The following PHYHD1 variants were observed in gnomAD, a reference collection of about 807,000 sequenced individuals.
The protein encoded by PHYHD1 is phytanoyl-CoA dioxygenase domain-containing protein 1.
PHYHD1 carries 42 observed loss-of-function variants against 43.6 expected under a neutral mutation model. That is an observed-to-expected ratio of 0.96 (90% CI 0.75 to 1.25). The LOEUF is 1.25. Among genes scored for constraint, PHYHD1 ranks in the 50% most tolerant of loss-of-function variants. The pLI, the probability that PHYHD1 is intolerant of heterozygous loss-of-function variation, is 0.00. For missense variants in PHYHD1, 342 were observed against 370.8 expected, an observed-to-expected ratio of 0.92 and a Z score of 0.64; for synonymous variants, 139 against 143.6, an observed-to-expected ratio of 0.97 and a Z score of 0.23.
rs1230242256 is a variant in PHYHD1 at position 128,936,431 on chromosome 9, T to A, written c.317-17T>A. ...GTGGGCCTGAGATGGGGCCGACAGCTTCCTTCTGTCCCATAGCTCTGCACG... is the reference window on the plus strand; with the variant it reads ...GTGGGCCTGAGATGGGGCCGACAGCATCCTTCTGTCCCATAGCTCTGCACG... On this transcript the variant is annotated splice_polypyrimidine_tract_variant and intron_variant, in intron 6 of 12. Transcript: ENST00000372592. 1 of 1,608,174 alleles carries A rather than the reference T, an allele frequency of 6.2e-7. No homozygotes were observed. Among genetic ancestry groups the A allele is most frequent in the Non-Finnish European group, 8.5e-7 (1 of 1,177,556 alleles).
intron 3 of PHYHD1, among the ~76,000 whole-genome samples, chr9:128,925,331 T>C (rs1459013247): frequency 1.3e-5 from 2 of 151,670 alleles, no homozygotes; most frequent in Admixed American, 6.6e-5. Flanking sequence ...GTTCAAATGA[T>C]TCTCCTGCCT....
chr9:128,940,525 T>C (rs773507323), intron 10 of PHYHD1, 28 bp downstream of exon 10: 1 of 1,614,006 alleles, frequency 6.2e-7, no homozygotes, highest in Middle Eastern at 1.7e-4. Flanking sequence ...TTCTGCCCAC[T>C]TGGGACTCCC....
At chr9:128,939,472 G>C (rs1335352017) in intron 9 of PHYHD1, among the ~76,000 whole-genome samples, 3 of 121,300 alleles carry the variant, frequency 2.5e-5, no homozygotes, top group African/African-American at 7.9e-5. Context: ...CCAGCTACTA[G>C]GGAGGCTGAA....
chr9:128,926,558 CTTTTTTTTTTT>C (rs56677426), intron 3 of PHYHD1, among the ~76,000 whole-genome samples: 1 of 119,116 alleles, frequency 8.4e-6, no homozygotes, highest in African/African-American at 3.1e-5. Flanking sequence ...CTTTTTCTTT[CTTTTTTTTTTT>C]TTTTTTTCGA....
At chr9:128,931,769 C>T (rs1171402291) in intron 4 of PHYHD1, among the ~76,000 whole-genome samples, 4 of 152,044 alleles carry the variant, frequency 2.6e-5, no homozygotes, top group African/African-American at 9.7e-5. Flanking sequence ...CCTCGTGATC[C>T]GTCCGCCTCA....
chr9:128,927,562 G>C (rs1841169143), intron 4 of PHYHD1, among the ~76,000 whole-genome samples: 1 of 152,054 alleles, frequency 6.6e-6, no homozygotes, highest in African/African-American at 2.4e-5. Flanking sequence ...TTTTAGTAGA[G>C]ACAGGGTTTC....
rs1341251259 is a variant in PHYHD1, at chr9:128,922,149, G to A, written c.-42+102G>A. 1.4e-5 allele frequency: 9 copies of A among 635,606 alleles called. No individual in the cohort carries two copies. In the East Asian group the frequency reaches 1.5e-4, roughly 11 times the overall value. 39.4% of individuals were successfully genotyped at this position (635,606 alleles called of 1,614,324 possible). On this transcript the variant is annotated intron_variant, in intron 2 of 12. Coordinates refer to ENST00000372592, the MANE Select transcript of PHYHD1 (RefSeq NM_001100876.2). ...AATCCTGGATTAGTTGTGGGGGTGGGGGAGATTAGCCTGGAGGTCACAGGC... is the reference window on the plus strand; with the variant it reads ...AATCCTGGATTAGTTGTGGGGGTGGAGGAGATTAGCCTGGAGGTCACAGGC...
chr9:128,925,510 G>A (rs2131096246), intron 3 of PHYHD1, among the ~76,000 whole-genome samples: 1 of 152,166 alleles, frequency 6.6e-6, no homozygotes, highest in Middle Eastern at 3.4e-3. Flanking sequence ...ATAGGTGTGA[G>A]CCACCATGCC....
At chr9:128,929,752 G>T (rs1841224652) in intron 4 of PHYHD1, among the ~76,000 whole-genome samples, 1 of 152,064 alleles carries the variant, frequency 6.6e-6, no homozygotes, top group African/African-American at 2.4e-5. Context: ...CTTTGAACCA[G>T]TTGTAACATC....
chr9:128,922,207 G>A (rs1841014242), intron 2 of PHYHD1, 76 bp from the exon 3 acceptor site: 1 of 1,261,218 alleles, frequency 7.9e-7, no homozygotes, highest in Non-Finnish European at 1.1e-6. Flanking sequence ...GGAGGGTTGG[G>A]TGGTGGGACC....
intron 9 of PHYHD1, 84 bp downstream of exon 9, chr9:128,937,862 G>T: frequency 6.2e-7 from 1 of 1,604,838 alleles, no homozygotes; most frequent in Non-Finnish European, 8.5e-7. Flanking sequence ...CAGAAGGAGG[G>T]AAAGCGCTTG....
chr9:128,922,439 C>A, intron 3 of PHYHD1, 83 bp downstream of exon 3: 1 of 1,467,894 alleles, frequency 6.8e-7, no homozygotes, highest in Non-Finnish European at 9.1e-7. Context: ...GCCCAACCCA[C>A]CCCCTGCCCC....
At chr9:128,936,787 A>AG in intron 8 of PHYHD1, 142 bp downstream of exon 8, 1 of 1,005,100 alleles carries the variant, frequency 9.9e-7, no homozygotes, top group Admixed American at 2.3e-5. Flanking sequence ...CCTCTGGCTA[A>AG]AGCACCTGGA....
intron 3 of PHYHD1, among the ~76,000 whole-genome samples, chr9:128,924,642 AAAGAG>A (rs1478691128): frequency 4.6e-5 from 7 of 151,258 alleles, no homozygotes; most frequent in Non-Finnish European, 8.9e-5. Context: ...GAAGGAAAGA[AAAGAG>A]AAAAGGGCTG....
intron 12 of PHYHD1, 24 bp downstream of exon 12, chr9:128,941,595 T>C (rs1841563812): frequency 2.5e-6 from 4 of 1,614,028 alleles, no homozygotes; most frequent in Non-Finnish European, 2.5e-6. Context: ...TGGGTGTGTG[T>C]GCCCGACAGT....
intron 6 of PHYHD1, among the ~76,000 whole-genome samples, chr9:128,935,995 T>C (rs1841414982): frequency 6.6e-6 from 1 of 152,168 alleles, no homozygotes. Flanking sequence ...GACTATCCCA[T>C]GCCAGGCCCT....
At chr9:128,926,898 C>T in intron 3 of PHYHD1, 140 bp from the exon 4 acceptor site, 1 of 1,147,548 alleles carries the variant, frequency 8.7e-7, no homozygotes, top group Non-Finnish European at 1.3e-6. Flanking sequence ...TTGCTGGGTG[C>T]CAGACTCCAT....
chr9:128,933,142 C>G (rs937674792), intron 4 of PHYHD1, among the ~76,000 whole-genome samples: 1 of 148,200 alleles, frequency 6.7e-6, no homozygotes, highest in African/African-American at 2.5e-5. Context: ...TGAGCCACTG[C>G]ACCCAGACTT....
chr9:128,922,936 CTTT>C (rs59238657), intron 3 of PHYHD1, among the ~76,000 whole-genome samples: 10 of 90,660 alleles, frequency 1.1e-4, no homozygotes, highest in African/African-American at 2.9e-4. Context: ...ATGCCCAGCT[CTTT>C]TTTTTTTTTT....
Sources: allele counts gnomAD v4.1 joint callset (sites outside exome capture counted in the v4.1 genomes callset), GRCh38; gene constraint gnomAD v4.1.1; transcripts MANE v1.5; gene names NCBI Gene and HGNC (gene_info 2026-07-23, HGNC 2026-07-21).